Variants in SHISAL1 observed in about 807,000 individuals in gnomAD.
SHISAL1 encodes protein shisa-like-1.
In SHISAL1, 9 loss-of-function variants were observed where a neutral mutation model predicts 22.6. That is an observed-to-expected ratio of 0.40 (90% CI 0.24 to 0.70). SHISAL1 has a LOEUF of 0.70. Ranked by LOEUF, SHISAL1 falls within the 30% of genes least tolerant of loss-of-function variation. SHISAL1 has a pLI of 0.39. For missense variants in SHISAL1, 246 were observed against 270.6 expected (o/e 0.91, Z 0.64); for synonymous variants, 119 against 115.4 (o/e 1.03, Z -0.20).
chr22:44,276,935 G>C (rs1242853183), intron 4 of SHISAL1, among the ~76,000 whole-genome samples: 1 of 152,186 alleles, frequency 6.6e-6, no homozygotes, highest in Admixed American at 6.5e-5. Flanking sequence ...GCGATGAGGG[G>C]CCAGGAGCCA....
chr22:44,253,425 A>ATTTTTTTTTTTTTTT lies in SHISAL1; in HGVS notation c.*-3741_*-3740insAAAAAAAAAAAAAAA, dbSNP rs1491154287. Among the ~76,000 whole-genome samples the ATTTTTTTTTTTTTTT allele has an allele frequency of 1.3e-4, 14 of 107,884 alleles. 7 individuals are homozygous for ATTTTTTTTTTTTTTT. Among genetic ancestry groups the ATTTTTTTTTTTTTTT allele is most frequent in the Non-Finnish European group, 1.2e-4 (6 of 50,378 alleles). 70.8% of individuals were successfully genotyped at this position (107,884 alleles called of 152,430 possible). A position where few individuals can be genotyped will look rare whatever the true frequency, so the allele number is the denominator to read the frequency against. Reference sequence around the variant, plus strand: ...AAGCAGAGTATGCTAGTATTAGTGCATGTTTTTTTTTTTTTTTTTTTTTGA... The same window carrying ATTTTTTTTTTTTTTT: ...AAGCAGAGTATGCTAGTATTAGTGCATTTTTTTTTTTTTTTTGTTTTTTTTTTTTTTTTTTTTTGA... On this transcript the variant is annotated intron_variant, in intron 4 of 4. Coordinates refer to ENST00000381176, the MANE Select transcript of SHISAL1 (RefSeq NM_001099294.2).
At position 44,243,845 on chromosome 22, in the gene SHISAL1, G is replaced by C. The variant is rs963392331; in HGVS notation, c.*5840C>G. 3.3e-5 allele frequency: 5 copies of C among 152,152 alleles called. No homozygotes were observed. The highest frequency in any genetic ancestry group is 7.3e-5 in the Non-Finnish European group (5 of 68,040). The allele number at this position is 152,152 out of a possible 1,614,324, so 9.4% of individuals were successfully genotyped here. The stretch of plus-strand genomic sequence containing the variant: ...TGGTTTTCCCGGTTATCAGCTCTCA[G>C]GGAGACCCCATGCCTGCTCACATGA... On this transcript the variant is annotated 3_prime_UTR_variant, in exon 5 of 5. Coordinates refer to ENST00000381176, the MANE Select transcript of SHISAL1 (RefSeq NM_001099294.2).
chr22:44,288,481 A>T (rs1204896595), intron 3 of SHISAL1, among the ~76,000 whole-genome samples: 1 of 149,142 alleles, frequency 6.7e-6, no homozygotes, highest in Admixed American at 6.6e-5. Context: ...CTAAAAATTA[A>T]AAAAAAAAAA....
chr22:44,305,345 C>G (rs1381530647), intron 1 of SHISAL1, among the ~76,000 whole-genome samples: 1 of 152,218 alleles, frequency 6.6e-6, no homozygotes, highest in African/African-American at 2.4e-5. Flanking sequence ...AGCAGCCTCC[C>G]GTTATGCGAT....
At chr22:44,307,954 G>T (rs2055491157) in intron 1 of SHISAL1, among the ~76,000 whole-genome samples, 1 of 152,144 alleles carries the variant, frequency 6.6e-6, no homozygotes, top group Non-Finnish European at 1.5e-5. Flanking sequence ...CTACAGCACT[G>T]GGGGCTTCCA....
chr22:44,285,367 T>C (rs967401898), intron 4 of SHISAL1, 61 bp downstream of exon 4: 18 of 1,536,626 alleles, frequency 1.2e-5, no homozygotes, highest in African/African-American at 4.1e-5. Context: ...GATGGCGTAT[T>C]CTCCAAGCTC....
upstream of SHISAL1, among the ~76,000 whole-genome samples, chr22:44,315,605 C>T (rs1400991579): frequency 6.6e-6 from 1 of 152,186 alleles, no homozygotes; most frequent in Non-Finnish European, 1.5e-5. Context: ...ATATAACATC[C>T]TCCTATATTT....
chr22:44,323,346 T>TCATCCATCCATG, the SHISAL1 span, among the ~76,000 whole-genome samples: 1,780 of 96,678 alleles, frequency 0.018, 26 homozygotes, highest in East Asian at 0.087. Flanking sequence ...ATCCACCCAT[T>TCATCCATCCATG]CATCCATCCA....
chr22:44,331,183 G>A, the SHISAL1 span, among the ~76,000 whole-genome samples: 1 of 151,900 alleles, frequency 6.6e-6, no homozygotes, highest in South Asian at 2.1e-4. This position sits in a 1 kb window ranked among gnomAD's most constrained non-coding sequence, Gnocchi z 5.2. Flanking sequence ...GGTGAGCGCC[G>A]GCGCGGACCC....
intron 4 of SHISAL1, among the ~76,000 whole-genome samples, chr22:44,265,153 A>G (rs1266730581): frequency 6.6e-6 from 1 of 152,168 alleles, no homozygotes; most frequent in African/African-American, 2.4e-5. Flanking sequence ...CAAAGAATCT[A>G]CCTTCAGCTA....
intron 1 of SHISAL1, among the ~76,000 whole-genome samples, chr22:44,301,427 C>CCGAGGCA (rs1470696717): frequency 6.6e-6 from 1 of 152,182 alleles, no homozygotes; most frequent in Non-Finnish European, 1.5e-5. Flanking sequence ...CAGGCAGCTT[C>CCGAGGCA]CGAGGCACAA....
intron 4 of SHISAL1, among the ~76,000 whole-genome samples, chr22:44,275,091 G>A (rs190781931): frequency 1.9e-3 from 294 of 152,298 alleles, no homozygotes; most frequent in Non-Finnish European, 3.3e-3. Flanking sequence ...GGTTTTCAAC[G>A]TAAACTTGTA....
At chr22:44,278,205 C>A (rs1275473630) in intron 4 of SHISAL1, among the ~76,000 whole-genome samples, 1 of 152,146 alleles carries the variant, frequency 6.6e-6, no homozygotes, top group Non-Finnish European at 1.5e-5. Flanking sequence ...ACTGGCCTAG[C>A]CTCCCAGCCT....
intron 4 of SHISAL1, among the ~76,000 whole-genome samples, chr22:44,272,695 A>T (rs58910825): frequency 0.035 from 5,298 of 152,262 alleles, 334 homozygotes; most frequent in African/African-American, 0.12. Flanking sequence ...GGGAAGGGCC[A>T]GGAGCTGCAA....
chr22:44,305,350 T>C (rs994053015), intron 1 of SHISAL1, among the ~76,000 whole-genome samples: 1 of 152,200 alleles, frequency 6.6e-6, no homozygotes, highest in Non-Finnish European at 1.5e-5. Context: ...CCTCCCGTTA[T>C]GCGATTCTTC....
chr22:44,284,601 T>C (rs1302195703), intron 4 of SHISAL1, among the ~76,000 whole-genome samples: 9 of 152,104 alleles, frequency 5.9e-5, no homozygotes, highest in Non-Finnish European at 1.0e-4. Context: ...CCACAGAGCA[T>C]CCGAACCTCT....
intron 4 of SHISAL1, among the ~76,000 whole-genome samples, chr22:44,252,040 C>T (rs948453078): frequency 6.6e-6 from 1 of 152,124 alleles, no homozygotes; most frequent in African/African-American, 2.4e-5. Flanking sequence ...CAGCAATGAG[C>T]GTAGAATTTG....
rs113992023 is a variant in SHISAL1 at position 44,306,561 on chromosome 22, A to C, written c.-32-5584T>G. On this transcript the variant is annotated intron_variant, in intron 1 of 4. Transcript: ENST00000381176. ...ATGACGATGGCATGTGTGGAGGGGA[A>C]CTGAGCTCGGGGAGCTGTGATGACG... Among the ~76,000 whole-genome samples, 55 of 14,902 alleles carry C rather than the reference A, an allele frequency of 3.7e-3. 1 individual carries two copies. Among genetic ancestry groups the C allele is most frequent in the South Asian group, 5.7e-3 (1 of 176 alleles). 9.8% of individuals were successfully genotyped at this position (14,902 alleles called of 152,430 possible). A position where few individuals can be genotyped will look rare whatever the true frequency, so the allele number is the denominator to read the frequency against.
the SHISAL1 span, among the ~76,000 whole-genome samples, chr22:44,325,168 A>G: frequency 6.6e-6 from 1 of 151,108 alleles, no homozygotes; most frequent in African/African-American, 2.4e-5. Context: ...GCTTGAACCC[A>G]GGAGGTGGAG....
Sources: gnomAD v4.1 joint callset for allele counts (sites outside exome capture counted in the v4.1 genomes callset) on GRCh38, gnomAD v4.1.1 for gene constraint, Gnocchi (gnomAD v3.1) non-coding constraint, MANE v1.5 for transcripts, NCBI Gene and HGNC (gene_info 2026-07-23, HGNC 2026-07-21) for gene names.